ZNF704: variants seen among roughly 807,000 people sequenced by gnomAD.
The protein encoded by ZNF704 is glucocorticoid induced gene 1.
A neutral mutation model predicts 44.7 loss-of-function variants in ZNF704; 10 were observed. That is an observed-to-expected ratio of 0.22 (90% CI 0.14 to 0.38). ZNF704 has a LOEUF of 0.38. Among genes scored for constraint, ZNF704 ranks in the 10% least tolerant of loss-of-function variants. The probability of loss-of-function intolerance (pLI) is 1.00; values close to 1 mark genes in which losing one functional copy is unlikely to be tolerated. For missense variants in ZNF704, 390 were observed against 545.5 expected (o/e 0.71, Z 2.84); for synonymous variants, 211 against 207.6 (o/e 1.02, Z -0.14).
intron 2 of ZNF704, among the ~76,000 whole-genome samples, chr8:80,805,896 C>T (rs1807982106): frequency 6.6e-6 from 1 of 152,174 alleles, no homozygotes; most frequent in African/African-American, 2.4e-5. Flanking sequence ...ATTGATCTCT[C>T]CCTAAGCTGC....
At chr8:80,675,786 A>G (rs1209589673) in intron 4 of ZNF704, among the ~76,000 whole-genome samples, 1 of 152,162 alleles carries the variant, frequency 6.6e-6, no homozygotes, top group Non-Finnish European at 1.5e-5. Flanking sequence ...TTATGTATCA[A>G]AAGGAGATTG....
rs111614686 is a variant in ZNF704 at position 80,805,854 on chromosome 8, G to T, written c.221+15520C>A. 3.2e-3 allele frequency among the ~76,000 whole-genome samples: 487 copies of T among 152,156 alleles called. 3 individuals are homozygous for T. Among genetic ancestry groups the T allele is most frequent in the African/African-American group, 0.011 (473 of 41,512 alleles). On this transcript the variant is annotated intron_variant, in intron 2 of 8. Coordinates refer to ENST00000327835, the MANE Select transcript of ZNF704 (RefSeq NM_001033723.3). ...TAGGATTCTCACTTGGCTCCTGTAC[G>T]TCTGCAGACAGCAATGCACCACACT...
At position 80,643,074 on chromosome 8, in the gene ZNF704, G is replaced by A. The variant is rs763838056; in HGVS notation, c.1088C>T (p.Thr363Met). Residue 363 changes from threonine to methionine, a missense_variant, in exon 8 of 9, where the codon ACG (threonine) becomes ATG (methionine). Thr to Met is a moderately conservative substitution (Grantham distance 81, BLOSUM62 -1). Coordinates refer to ENST00000327835, the MANE Select transcript of ZNF704 (RefSeq NM_001033723.3). ...GTGEQRQHAH[T>M]VLSSPPRGTV... ...GCCTCTGGGTGGGGAGGACAGGACC[G>A]TGTGCGCATGCTGTCTCTGCTCTCC... 24 of 1,604,664 alleles carry A rather than the reference G, an allele frequency of 1.5e-5. No individual in the cohort carries two copies. The highest frequency in any genetic ancestry group is 1.7e-4 in the Middle Eastern group (1 of 6,048).
intron 2 of ZNF704, among the ~76,000 whole-genome samples, chr8:80,698,000 T>C (rs1414059591): frequency 6.6e-6 from 1 of 152,226 alleles, no homozygotes; most frequent in Admixed American, 6.5e-5. Flanking sequence ...TTGGCAAAGA[T>C]ACTGCTCATT....
chr8:80,859,839 G>C (rs1809028897), intron 1 of ZNF704, among the ~76,000 whole-genome samples: 1 of 151,934 alleles, frequency 6.6e-6, no homozygotes, highest in East Asian at 1.9e-4. Flanking sequence ...AAGAGGTCAG[G>C]GTTGGTGAAA....
chr8:80,765,555 A>G (rs576361722), intron 2 of ZNF704, among the ~76,000 whole-genome samples: 1 of 152,318 alleles, frequency 6.6e-6, no homozygotes, highest in African/African-American at 2.4e-5. Context: ...GGTAACCAAC[A>G]TGATGTAACT....
intron 2 of ZNF704, among the ~76,000 whole-genome samples, chr8:80,739,363 G>C (rs2131690472): frequency 6.6e-6 from 1 of 152,224 alleles, no homozygotes; most frequent in East Asian, 1.9e-4. Context: ...GGAGAGGTGG[G>C]CAGAAAGCCT....
chr8:80,793,708 TA>T (rs1188904896), intron 2 of ZNF704, among the ~76,000 whole-genome samples: 1 of 152,060 alleles, frequency 6.6e-6, no homozygotes, highest in Non-Finnish European at 1.5e-5. Flanking sequence ...TTCATTATAA[TA>T]AAAACAATTA....
intron 1 of ZNF704, among the ~76,000 whole-genome samples, chr8:80,844,009 A>C (rs1308751966): frequency 6.6e-6 from 1 of 150,928 alleles, no homozygotes; most frequent in African/African-American, 2.4e-5. Context: ...ACACATGTAT[A>C]TGTGTGTGTC....
rs1447164742 is a variant in ZNF704, at chr8:80,755,479, C to A, written c.222-62372G>T. On this transcript the variant is annotated intron_variant, in intron 2 of 8. Coordinates refer to ENST00000327835, the MANE Select transcript of ZNF704 (RefSeq NM_001033723.3). ...CAAAAACAAACAAACAAACAAAAAACCCAAAAAACAGAACAGAATGGTCCA... is the reference window on the plus strand; with the variant it reads ...CAAAAACAAACAAACAAACAAAAAAACCAAAAAACAGAACAGAATGGTCCA... 3.3e-5 allele frequency among the ~76,000 whole-genome samples: 5 copies of A among 151,898 alleles called. No homozygotes were observed. In the East Asian group the frequency reaches 7.7e-4, roughly 24 times the overall value.
intron 1 of ZNF704, among the ~76,000 whole-genome samples, chr8:80,848,772 C>CA (rs1158970077): frequency 6.4e-5 from 9 of 141,470 alleles, no homozygotes; most frequent in South Asian, 2.2e-4. Context: ...GACCCTGTCT[C>CA]AAAAAAAAAG....
At chr8:80,801,418 G>A (rs1448687553) in intron 2 of ZNF704, among the ~76,000 whole-genome samples, 1 of 152,082 alleles carries the variant, frequency 6.6e-6, no homozygotes. Context: ...ATAATCAGAA[G>A]TAAAAACACT....
At chr8:80,847,570 T>C (rs918459583) in intron 1 of ZNF704, among the ~76,000 whole-genome samples, 3 of 152,192 alleles carry the variant, frequency 2.0e-5, no homozygotes, top group Admixed American at 1.3e-4. Context: ...CCCTAAGTTA[T>C]GGCTTATTAT....
chr8:80,649,158 T>G (rs2131594706), intron 7 of ZNF704, among the ~76,000 whole-genome samples: 1 of 152,298 alleles, frequency 6.6e-6, no homozygotes, highest in Admixed American at 6.5e-5. Flanking sequence ...GTTGGTTAGG[T>G]GTGACCTCAG....
intron 2 of ZNF704, among the ~76,000 whole-genome samples, chr8:80,711,893 T>A (rs1818993095): frequency 6.6e-6 from 1 of 152,242 alleles, no homozygotes; most frequent in Admixed American, 6.5e-5. Flanking sequence ...CTATAGTATC[T>A]AGCAGGACAG....
chr8:80,713,752 G>A (rs1475528792), intron 2 of ZNF704, among the ~76,000 whole-genome samples: 2 of 152,118 alleles, frequency 1.3e-5, no homozygotes, highest in South Asian at 2.1e-4. Context: ...TTATTTCTTC[G>A]CTGTCATCTT....
intron 2 of ZNF704, among the ~76,000 whole-genome samples, chr8:80,712,996 A>G (rs954745379): frequency 2.6e-5 from 4 of 151,766 alleles, no homozygotes; most frequent in Non-Finnish European, 5.9e-5. Flanking sequence ...CCGAGGTTCA[A>G]GGGATTCTCC....
At chr8:80,687,184 T>C in intron 4 of ZNF704, 42 bp downstream of exon 4, 1 of 1,570,804 alleles carries the variant, frequency 6.4e-7, no homozygotes, top group Non-Finnish European at 8.7e-7. Context: ...GAAAGCACCT[T>C]CAGGAAACTG....
intron 2 of ZNF704, among the ~76,000 whole-genome samples, chr8:80,715,356 A>T (rs1338337579): frequency 6.7e-6 from 1 of 149,122 alleles, no homozygotes; most frequent in African/African-American, 2.6e-5. Flanking sequence ...CTGAGATTCA[A>T]CAGGGGGCTC....
Sources: gnomAD v4.1 joint callset for allele counts (sites outside exome capture counted in the v4.1 genomes callset) on GRCh38, gnomAD v4.1.1 for gene constraint, MANE v1.5 for transcripts, NCBI Gene and HGNC (gene_info 2026-07-23, HGNC 2026-07-21) for gene names.